The following MBTPS1 variants were observed in gnomAD, a reference collection of about 807,000 sequenced individuals.
MBTPS1 encodes the protein membrane-bound transcription factor site-1 protease.
In MBTPS1, 94 loss-of-function variants were observed where a neutral mutation model predicts 127.8. That is an observed-to-expected ratio of 0.74 (90% CI 0.62 to 0.87). The LOEUF is 0.87. Ranked by LOEUF, MBTPS1 falls within the 40% of genes least tolerant of loss-of-function variation. MBTPS1 has a pLI of 0.00. For missense variants in MBTPS1, 1,636 were observed against 1,353.2 expected (o/e 1.21, Z -3.28); for synonymous variants, 632 against 509.4 (o/e 1.24, Z -3.24).
intron 21 of MBTPS1, among the ~76,000 whole-genome samples, chr16:84,059,089 G>T (rs565116857): frequency 5.9e-5 from 9 of 152,190 alleles, no homozygotes; most frequent in Non-Finnish European, 1.2e-4. Context: ...GTAACAAAAT[G>T]CTAATTATCC....
chr16:84,056,156 A>T (rs2085519101), intron 21 of MBTPS1, 21 bp from the exon 22 acceptor site: 1 of 1,609,664 alleles, frequency 6.2e-7, no homozygotes. Flanking sequence ...ATGGATTAAA[A>T]CAAAACAAAA....
chr16:84,087,372 C>A lies in MBTPS1; in HGVS notation c.1120G>T (p.Gly374Ter). The A allele has an allele frequency of 6.2e-7, 1 of 1,612,718 alleles. No homozygotes were observed. Among genetic ancestry groups the A allele is most frequent in the Non-Finnish European group, 8.5e-7 (1 of 1,179,128 alleles). ...GAAGAGCGTACCCAGGTAGTCATTC[C>A]CCTTGAAGAAAAGCGGGCGATGTTA... ...EDNIARFSSR[G>*]MTTWELPGGY... The change falls in exon 9 of 23, where the codon GGA (glycine) becomes TGA (stop). Residue 374 changes from glycine to a stop codon, truncating the protein, a stop_gained. Coordinates refer to ENST00000343411, the MANE Select transcript of MBTPS1 (RefSeq NM_003791.4). LOFTEE classifies it high-confidence loss of function.
chr16:84,069,552 C>T (rs568274101), intron 14 of MBTPS1, among the ~76,000 whole-genome samples: 18 of 152,114 alleles, frequency 1.2e-4, no homozygotes, highest in African/African-American at 4.3e-4. Context: ...AGGGTGGGAG[C>T]AGGGAGAAGG....
Position 84,054,199 on chromosome 16 carries a change from C to G in MBTPS1, c.*250G>C, listed in dbSNP as rs775799225. The G allele has an allele frequency of 2.1e-4, 72 of 343,228 alleles. No individual in the cohort carries two copies. Among genetic ancestry groups the G allele is most frequent in the Non-Finnish European group, 3.2e-4 (61 of 188,514 alleles). 21.3% of individuals were successfully genotyped at this position (343,228 alleles called of 1,614,324 possible). On this transcript the variant is annotated 3_prime_UTR_variant, in exon 23 of 23. Transcript: ENST00000343411. ...AGTTCTCCCGAGTCTTTGGTGCGCA[C>G]AGCTGCCGGCGGGAAGTCTCACTGG... is the stretch of plus-strand genomic sequence containing the variant.
rs925545388 is a variant in MBTPS1 at position 84,116,735 on chromosome 16, C to T, written c.-325G>A. 6.6e-6 allele frequency: 1 copy of T among 152,124 alleles called. No individual in the cohort carries two copies. The highest frequency in any genetic ancestry group is 1.5e-5 in the Non-Finnish European group (1 of 68,042). The allele number at this position is 152,124 out of a possible 1,614,324, so 9.4% of individuals were successfully genotyped here. Reference sequence around the variant, plus strand: ...GGCCGCGCGCGGGCGGCTGACGTACCTGCGCCGCCGGGAGCTCAGGGCCGG... The same window carrying T: ...GGCCGCGCGCGGGCGGCTGACGTACTTGCGCCGCCGGGAGCTCAGGGCCGG... On this transcript the variant is annotated splice_region_variant and 5_prime_UTR_variant, in exon 1 of 23. Coordinates refer to ENST00000343411, the MANE Select transcript of MBTPS1 (RefSeq NM_003791.4).
At chr16:84,084,888 G>C (rs1261788570) in intron 10 of MBTPS1, 95 bp downstream of exon 10, 3 of 1,391,404 alleles carry the variant, frequency 2.2e-6, no homozygotes, top group Non-Finnish European at 2.0e-6. Context: ...TCAAACCCAA[G>C]ACAGGGCAGA....
intron 8 of MBTPS1, among the ~76,000 whole-genome samples, chr16:84,090,081 A>G (rs2086082687): frequency 6.6e-6 from 1 of 152,222 alleles, no homozygotes; most frequent in Admixed American, 6.5e-5. Flanking sequence ...GAATGCCAAT[A>G]TTCACGTTTT....
At chr16:84,110,123 C>T (rs2086379101) in intron 1 of MBTPS1, among the ~76,000 whole-genome samples, 1 of 152,230 alleles carries the variant, frequency 6.6e-6, no homozygotes, top group Admixed American at 6.5e-5. Flanking sequence ...ACATTCTAAG[C>T]CTCTTATTCA....
At chr16:84,092,951 G>C (rs2086129694) in intron 6 of MBTPS1, among the ~76,000 whole-genome samples, 1 of 152,236 alleles carries the variant, frequency 6.6e-6, no homozygotes, top group South Asian at 2.1e-4. Flanking sequence ...ATCGTCGTAA[G>C]TAGTAGCCTC....
chr16:84,067,845 CT>C (rs2085709900), intron 15 of MBTPS1, 22 bp from the exon 16 acceptor site: 2 of 1,595,142 alleles, frequency 1.3e-6, no homozygotes, highest in Non-Finnish European at 1.7e-6. Flanking sequence ...AGAACCAAAG[CT>C]GGGAACTGTC....
In MBTPS1 at chr16:84,074,659, G is replaced by T. The variant is rs768255883; in HGVS notation, c.1531C>A (p.Pro511Thr). ...AGGATGGTGACATTAACAACTGTCGGCATTCCTCCATAGTAGATGGGCTGG... is the reference window on the plus strand; with the variant it reads ...AGGATGGTGACATTAACAACTGTCGTCATTCCTCCATAGTAGATGGGCTGG... ...CSQPIYYGGM[P>T]TVVNVTILNG... Residue 511 changes from proline (P) to threonine (T), a missense_variant, in exon 12 of 23, where the codon CCG becomes ACG. By Grantham distance (38) the Pro-to-Thr change is conservative (BLOSUM62 -1). Coordinates refer to ENST00000343411, the MANE Select transcript of MBTPS1 (RefSeq NM_003791.4). 1 of 1,614,080 alleles carries T rather than the reference G, an allele frequency of 6.2e-7. No individual in the cohort carries two copies. The highest frequency in any genetic ancestry group is 1.1e-5 in the South Asian group (1 of 91,082).
In MBTPS1 at chr16:84,081,724, C is replaced by A. The variant is rs531622663; in HGVS notation, c.1448+23G>T. 14 of 1,340,562 alleles carry A rather than the reference C, an allele frequency of 1.0e-5. No homozygotes were observed. The Admixed American group carries it at 4.2e-4, about 41-fold the overall frequency. 83.0% of individuals were successfully genotyped at this position (1,340,562 alleles called of 1,614,324 possible). A position where few individuals can be genotyped will look rare whatever the true frequency, so the allele number is the denominator to read the frequency against. On this transcript the variant is annotated intron_variant, in intron 11 of 22. Transcript: ENST00000343411. ...GAGCCCAGTGAAGGAGAGAAAGACC[C>A]ATCGGCAGGGCGGTGCACTGACCTT...
intron 2 of MBTPS1, among the ~76,000 whole-genome samples, chr16:84,101,195 G>A (rs2086249860): frequency 6.6e-6 from 1 of 152,044 alleles, no homozygotes; most frequent in Non-Finnish European, 1.5e-5. Context: ...AGCTGCTCAG[G>A]AGGCTGAGGC....
At position 84,091,835 on chromosome 16, in the gene MBTPS1, G is replaced by GATGT. The variant is rs1261206028; in HGVS notation, c.856_859dup (p.Ser287TyrfsTer35). ...ATAGTTGAAGGCGTCCAAAAACCAA[G>GATGT]ATGTGTAAGATACCTAGTTAAATAT... On this transcript the variant is annotated frameshift_variant, in exon 7 of 23. Coordinates refer to ENST00000343411, the MANE Select transcript of MBTPS1 (RefSeq NM_003791.4). LOFTEE classifies it high-confidence loss of function. The GATGT allele has an allele frequency of 6.3e-7, 1 of 1,587,984 alleles. No individual in the cohort carries two copies. The highest frequency in any genetic ancestry group is 8.6e-7 in the Non-Finnish European group (1 of 1,156,270).
chr16:84,058,976 T>G (rs1280586211), intron 21 of MBTPS1, among the ~76,000 whole-genome samples: 1 of 152,204 alleles, frequency 6.6e-6, no homozygotes, highest in Non-Finnish European at 1.5e-5. Flanking sequence ...GGGAACACAC[T>G]GCAGCCGGCA....
At position 84,067,791 on chromosome 16, in the gene MBTPS1, ACTC is replaced by A. The variant is rs1233277747; in HGVS notation, c.2101_2103del (p.Glu701del). The A allele has an allele frequency of 1.2e-6, 2 of 1,612,776 alleles. No individual in the cohort carries two copies. Among genetic ancestry groups the A allele is most frequent in the Non-Finnish European group, 1.7e-6 (2 of 1,179,092 alleles). ...AGCTTGGCGATCTCTTCAGGGAAGTACTCCTCCTCACTGTCCACCATCAGCAAA... is the reference window on the plus strand; with the variant it reads ...AGCTTGGCGATCTCTTCAGGGAAGTACTCCTCACTGTCCACCATCAGCAAA... On this transcript the variant is annotated inframe_deletion, in exon 16 of 23. Transcript: ENST00000343411.
chr16:84,054,475 G>A lies in MBTPS1; in HGVS notation c.3133C>T (p.His1045Tyr). Residue 1045 changes from histidine (H) to tyrosine (Y), a missense_variant, in exon 23 of 23, where the codon CAC becomes TAC. Physicochemically the swap from His to Tyr is moderately conservative, Grantham distance 83. Transcript: ENST00000343411. Reference protein sequence around the residue: ...VKRPQLMQQVHPPKTPSV With the variant: ...VKRPQLMQQVYPPKTPSV ...CACACCGAAGGGGTCTTTGGCGGGT[G>A]AACCTGCTGCATGAGCTGCGGGCGC... 2.5e-6 allele frequency: 4 copies of A among 1,609,850 alleles called. No individual in the cohort carries two copies. Among genetic ancestry groups the A allele is most frequent in the Non-Finnish European group, 1.7e-6 (2 of 1,177,772 alleles).
chr16:84,066,361 T>C (rs1404266562), intron 17 of MBTPS1, 128 bp downstream of exon 17: 1 of 945,610 alleles, frequency 1.1e-6, no homozygotes, highest in Admixed American at 3.2e-5. Flanking sequence ...AAAATACTGG[T>C]GAGTTCTTTC....
At chr16:84,101,085 G>C (rs62048229) in intron 2 of MBTPS1, among the ~76,000 whole-genome samples, 36,827 of 151,712 alleles carry the variant, frequency 0.24, 5,255 homozygotes, top group East Asian at 0.39. Flanking sequence ...CGGATCACGA[G>C]GTCAGGAGCT....
Sources: gnomAD v4.1 joint callset for allele counts (sites outside exome capture counted in the v4.1 genomes callset) on GRCh38, gnomAD v4.1.1 for gene constraint, MANE v1.5 for transcripts, NCBI Gene and HGNC (gene_info 2026-07-23, HGNC 2026-07-21) for gene names.